DLGAP2: variants seen among roughly 807,000 people sequenced by gnomAD.
The protein encoded by DLGAP2 is disks large-associated protein 2.
A neutral mutation model predicts 100.3 loss-of-function variants in DLGAP2; 26 were observed. That is an observed-to-expected ratio of 0.26 (90% CI 0.19 to 0.36). The LOEUF (loss-of-function observed/expected upper bound fraction) is 0.36. Ranked by LOEUF, DLGAP2 falls within the 10% of genes least tolerant of loss-of-function variation. The pLI is 1.00. For synonymous variants in DLGAP2, 886 were observed against 630.1 expected (o/e 1.41, Z -6.08); for missense variants, 1,858 against 1,453.2 (o/e 1.28, Z -4.53).
At chr8:1,434,726 T>C (rs1425120201) in intron 3 of DLGAP2, among the ~76,000 whole-genome samples, 2 of 152,168 alleles carry the variant, frequency 1.3e-5, no homozygotes, top group African/African-American at 2.4e-5. Context: ...CTTCCAGCCT[T>C]TGTCTTCCAA....
At chr8:1,628,748 C>G (rs538821790) in intron 7 of DLGAP2, among the ~76,000 whole-genome samples, 19 of 150,174 alleles carry the variant, frequency 1.3e-4, no homozygotes, top group Admixed American at 7.3e-4. Context: ...CTCACATTCT[C>G]TCTGACTTAC....
At chr8:1,415,127 C>G (rs536093412) in intron 3 of DLGAP2, among the ~76,000 whole-genome samples, 1 of 152,346 alleles carries the variant, frequency 6.6e-6, no homozygotes. Flanking sequence ...CACATGCATA[C>G]AAACAGGTAC....
chr8:1,543,860 C>T (rs917870692), intron 4 of DLGAP2, among the ~76,000 whole-genome samples: 2 of 151,994 alleles, frequency 1.3e-5, no homozygotes, highest in Non-Finnish European at 2.9e-5. Context: ...CTTTCAGTAG[C>T]GATGTTTTCT....
At chr8:869,760 C>A (rs1361590412) in intron 1 of DLGAP2, among the ~76,000 whole-genome samples, 1 of 152,142 alleles carries the variant, frequency 6.6e-6, no homozygotes. Flanking sequence ...GCCTGTTTCC[C>A]CAAATCTGGG....
intron 8 of DLGAP2, among the ~76,000 whole-genome samples, chr8:1,667,599 A>G (rs1798577332): frequency 6.6e-6 from 1 of 152,182 alleles, no homozygotes; most frequent in South Asian, 2.1e-4. Context: ...TTTTTAGAAA[A>G]ACACACAAGC....
At chr8:852,005 C>G (rs1797191229) in intron 1 of DLGAP2, among the ~76,000 whole-genome samples, 1 of 152,222 alleles carries the variant, frequency 6.6e-6, no homozygotes, top group African/African-American at 2.4e-5. Flanking sequence ...GGTCCTGGGA[C>G]TCAGCCCCTA....
chr8:1,534,652 T>A lies in DLGAP2; in HGVS notation c.173-13974T>A, dbSNP rs557236629. Among the ~76,000 whole-genome samples the A allele has an allele frequency of 5.3e-5, 8 of 152,334 alleles. No individual in the cohort carries two copies. The East Asian group carries it at 1.2e-3, about 22-fold the overall frequency. ...ATGTGGAATCAGTGGGGATTTTTTT[T>A]AAAGATGTTTCTTAAAGATGGATTT... On this transcript the variant is annotated intron_variant, in intron 4 of 14. Coordinates refer to ENST00000637795, the MANE Select transcript of DLGAP2 (RefSeq NM_001346810.2).
At chr8:1,202,948 G>C (rs143663061) in intron 2 of DLGAP2, among the ~76,000 whole-genome samples, 9 of 152,154 alleles carry the variant, frequency 5.9e-5, no homozygotes, top group African/African-American at 1.7e-4. Flanking sequence ...ATGCGCTCCC[G>C]AGAAGCTGAG....
At chr8:1,585,734 C>T (rs1006476401) in intron 6 of DLGAP2, among the ~76,000 whole-genome samples, 2 of 152,214 alleles carry the variant, frequency 1.3e-5, no homozygotes, top group African/African-American at 4.8e-5. Flanking sequence ...CTGGGCAGTA[C>T]TGTAGCCAGC....
At chr8:1,264,879 T>C (rs1240716041) in intron 3 of DLGAP2, among the ~76,000 whole-genome samples, 2 of 152,080 alleles carry the variant, frequency 1.3e-5, no homozygotes, top group Non-Finnish European at 2.9e-5. Flanking sequence ...CCCGTGCTGT[T>C]CTCGTGATAG....
chr8:1,650,053 C>T (rs980343681), intron 8 of DLGAP2, among the ~76,000 whole-genome samples: 1 of 152,214 alleles, frequency 6.6e-6, no homozygotes, highest in Non-Finnish European at 1.5e-5. Context: ...GGGCAGGTTA[C>T]ATTTCCAAGT....
At chr8:1,210,779 T>TCCCTTCCACAGCTCCCCTGGGC (rs1051355941) in intron 2 of DLGAP2, among the ~76,000 whole-genome samples, 1 of 145,390 alleles carries the variant, frequency 6.9e-6, no homozygotes, top group Non-Finnish European at 1.5e-5. Context: ...GGATCCTGGG[T>TCCCTTCCACAGCTCCCCTGGGC]CCCTTCCACA....
Position 1,278,110 on chromosome 8 carries a change from C to T in DLGAP2, c.106+19227C>T, listed in dbSNP as rs191795541. On this transcript the variant is annotated intron_variant, in intron 3 of 14. Transcript: ENST00000637795. ...TCTCATTTATTCAGATGATACCTCA[C>T]GCCAGGTCAGGTGAGGGAGTGGCAT... Among the ~76,000 whole-genome samples, 337 of 152,310 alleles carry T rather than the reference C, an allele frequency of 2.2e-3. 2 individuals are homozygous for T. Among genetic ancestry groups the T allele is most frequent in the Non-Finnish European group, 1.2e-3 (81 of 68,034 alleles).
At chr8:1,170,230 A>C (rs917803465) in intron 2 of DLGAP2, among the ~76,000 whole-genome samples, 13 of 152,210 alleles carry the variant, frequency 8.5e-5, no homozygotes, top group African/African-American at 1.2e-4. Flanking sequence ...CCAGGGATGA[A>C]GCCCACTTGT....
intron 2 of DLGAP2, among the ~76,000 whole-genome samples, chr8:1,089,959 C>G (rs1160578395): frequency 6.6e-6 from 1 of 152,200 alleles, no homozygotes; most frequent in African/African-American, 2.4e-5. Context: ...GAAGAAGTGA[C>G]TTGGGGGGCT....
At chr8:1,075,956 T>G (rs1210456187) in intron 2 of DLGAP2, among the ~76,000 whole-genome samples, 1 of 152,086 alleles carries the variant, frequency 6.6e-6, no homozygotes, top group Admixed American at 6.5e-5. Flanking sequence ...CAGGATGGTC[T>G]GGGCCTGAGT....
chr8:1,023,826 C>T (rs968228233), intron 2 of DLGAP2, among the ~76,000 whole-genome samples: 1 of 144,960 alleles, frequency 6.9e-6, no homozygotes, highest in African/African-American at 2.5e-5. Context: ...AATGCTTGGT[C>T]TTTCCGTCTG....
intron 1 of DLGAP2, among the ~76,000 whole-genome samples, chr8:844,020 A>T (rs1269366552): frequency 1.3e-5 from 2 of 152,216 alleles, no homozygotes. Context: ...ATGACTTTTG[A>T]CATTTAATAG....
At chr8:1,272,001 A>G (rs535493801) in intron 3 of DLGAP2, among the ~76,000 whole-genome samples, 1 of 151,958 alleles carries the variant, frequency 6.6e-6, no homozygotes, top group East Asian at 1.9e-4. Flanking sequence ...TTTAGTAGAG[A>G]TGGGATTTCA....
Sources: gnomAD v4.1 joint callset for allele counts (sites outside exome capture counted in the v4.1 genomes callset) on GRCh38, gnomAD v4.1.1 for gene constraint, MANE v1.5 for transcripts, NCBI Gene and HGNC (gene_info 2026-07-23, HGNC 2026-07-21) for gene names.